The following ZNF469 variants were observed in gnomAD, a reference collection of about 807,000 sequenced individuals.
ZNF469 encodes zinc finger protein 469.
A neutral mutation model predicts 1.0 loss-of-function variants in ZNF469; 1 was observed. The observed-to-expected ratio is 1.00, with a 90% CI of 0.35 to 4.73. ZNF469 has a LOEUF of 4.73. ZNF469 is among the 30% of genes most tolerant of loss of function. The probability of loss-of-function intolerance (pLI) is 0.16; values close to 1 mark genes in which losing one functional copy is unlikely to be tolerated. For synonymous variants in ZNF469, 2,703 were observed against 2,363.4 expected, an observed-to-expected ratio of 1.14 and a Z score of -4.17; for missense variants, 6,100 against 5,356.3, an observed-to-expected ratio of 1.14 and a Z score of -4.33.
the ZNF469 span, among the ~76,000 whole-genome samples, chr16:88,224,339 CG>C: frequency 6.6e-5 from 10 of 152,330 alleles, no homozygotes; most frequent in East Asian, 1.7e-3. Context: ...CACAGCACCG[CG>C]GGGCCCCGCA....
the ZNF469 span, among the ~76,000 whole-genome samples, chr16:88,374,627 T>G: frequency 6.6e-6 from 1 of 152,106 alleles, no homozygotes. Flanking sequence ...AGGGACATTC[T>G]TGTGATGGGT....
chr16:88,183,870 C>G, the ZNF469 span, among the ~76,000 whole-genome samples: 5 of 152,236 alleles, frequency 3.3e-5, no homozygotes, highest in East Asian at 7.8e-4. Context: ...GTGGGTGGGA[C>G]AGGGAAGCGT....
At chr16:88,150,825 G>C in the ZNF469 span, among the ~76,000 whole-genome samples, 1 of 152,120 alleles carries the variant, frequency 6.6e-6, no homozygotes, top group Non-Finnish European at 1.5e-5. Context: ...CCCGGCCGTA[G>C]AAGCGCCGTG....
At chr16:88,121,329 C>T in the ZNF469 span, among the ~76,000 whole-genome samples, 1 of 152,150 alleles carries the variant, frequency 6.6e-6, no homozygotes, top group South Asian at 2.1e-4. Flanking sequence ...TATTAAAACT[C>T]GAAACAAAAA....
At chr16:88,142,765 G>A in the ZNF469 span, among the ~76,000 whole-genome samples, 5 of 152,218 alleles carry the variant, frequency 3.3e-5, no homozygotes, top group African/African-American at 9.6e-5. Context: ...CAGCTGCGTC[G>A]CTGTGGATCC....
In ZNF469 at chr16:88,436,527, G is replaced by GC. The variant is rs1319938948; in HGVS notation, c.9063dup (p.Ser3022GlnfsTer8). Reference sequence around the variant, plus strand: ...CTTCTCTCGGAGATGTGAGCCCCGAGCCCCCCAGCCTGGAGAGAGAACGCT... The same window carrying GC: ...CTTCTCTCGGAGATGTGAGCCCCGAGCCCCCCCAGCCTGGAGAGAGAACGCT... On this transcript the variant is annotated frameshift_variant, in exon 3 of 3. Transcript: ENST00000565624. LOFTEE classifies it low-confidence loss of function (END_TRUNC). 3 of 1,549,048 alleles carry GC rather than the reference G, an allele frequency of 1.9e-6. No homozygotes were observed. Among genetic ancestry groups the GC allele is most frequent in the African/African-American group, 1.4e-5 (1 of 73,068 alleles).
chr16:88,135,340 G>C, the ZNF469 span, among the ~76,000 whole-genome samples: 1 of 152,216 alleles, frequency 6.6e-6, no homozygotes, highest in African/African-American at 2.4e-5. Context: ...GGAATTCCAG[G>C]CTCACTGAGA....
chr16:88,175,364 T>C, the ZNF469 span, among the ~76,000 whole-genome samples: 5 of 152,186 alleles, frequency 3.3e-5, no homozygotes, highest in Admixed American at 1.3e-4. Context: ...CTTTACTTAA[T>C]TGGCACTTAC....
rs1567510281 is a variant in ZNF469, at chr16:88,429,612, A to T, written c.2142A>T (p.Thr714=). 4.5e-6 allele frequency: 7 copies of T among 1,547,582 alleles called. No homozygotes were observed. Among genetic ancestry groups the T allele is most frequent in the Non-Finnish European group, 6.1e-6 (7 of 1,145,304 alleles). The part of the protein sequence containing the change: ...GFPRAPPPYP[T]HHFSLSSASL... ...CCCGTGCGCCGCCTCCGTACCCCAC[A>T]CACCACTTCTCCCTCAGCAGCGCCA... is the stretch of plus-strand genomic sequence containing the variant. The change falls in exon 3 of 3, where the codon ACA becomes ACT. Residue 714 remains threonine (T), a synonymous_variant. Coordinates refer to ENST00000565624, the MANE Select transcript of ZNF469 (RefSeq NM_001367624.2).
the ZNF469 span, among the ~76,000 whole-genome samples, chr16:88,344,054 C>G: frequency 2.6e-5 from 4 of 152,156 alleles, no homozygotes; most frequent in South Asian, 8.3e-4. Flanking sequence ...AACCCATAAC[C>G]CTCGTCTAAT....
At chr16:88,335,762 G>T in the ZNF469 span, among the ~76,000 whole-genome samples, 1,731 of 152,226 alleles carry the variant, frequency 0.011, 25 homozygotes, top group African/African-American at 0.039. Context: ...CATCCTTCAC[G>T]TGAGACACTA....
the ZNF469 span, among the ~76,000 whole-genome samples, chr16:88,377,678 C>G: frequency 1.3e-3 from 202 of 152,156 alleles, 2 homozygotes; most frequent in South Asian, 4.4e-3. Flanking sequence ...CCTCCTCTAT[C>G]TCCCTCCTCC....
rs1417157166 is a variant in ZNF469, at chr16:88,433,099, C to G, written c.5629C>G (p.Pro1877Ala). Residue 1877 changes from proline to alanine, a missense_variant, in exon 3 of 3, where the codon CCT (proline) becomes GCT (alanine). Pro to Ala is a conservative substitution (Grantham distance 27). Transcript: ENST00000565624. The part of the protein sequence containing the change: ...APRGREAWLV[P>A]VPSPACVSNT... ...CCGGGGCAGGGAGGCTTGGTTGGTC[C>G]CTGTGCCAAGTCCCGCCTGTGTATC... The G allele has an allele frequency of 6.5e-7, 1 of 1,550,202 alleles. No individual in the cohort carries two copies. The highest frequency in any genetic ancestry group is 1.4e-5 in the African/African-American group (1 of 73,044).
At chr16:88,205,882 C>T in the ZNF469 span, among the ~76,000 whole-genome samples, 1 of 152,076 alleles carries the variant, frequency 6.6e-6, no homozygotes, top group Non-Finnish European at 1.5e-5. This position sits in a 1 kb window ranked among gnomAD's most constrained non-coding sequence, Gnocchi z 4.2. Context: ...CAAAGAAAGT[C>T]GGCAATGAGG....
the ZNF469 span, among the ~76,000 whole-genome samples, chr16:88,336,152 A>T: frequency 6.6e-6 from 1 of 150,962 alleles, no homozygotes; most frequent in Non-Finnish European, 1.5e-5. Flanking sequence ...CCTTCACGTG[A>T]GACACTAACA....
At chr16:88,361,350 T>G in the ZNF469 span, among the ~76,000 whole-genome samples, 2 of 152,244 alleles carry the variant, frequency 1.3e-5, no homozygotes, top group Non-Finnish European at 2.9e-5. Context: ...TGGGGACCCC[T>G]GCCCTAGAGG....
At chr16:88,374,602 G>C in the ZNF469 span, among the ~76,000 whole-genome samples, 2 of 152,218 alleles carry the variant, frequency 1.3e-5, no homozygotes, top group African/African-American at 4.8e-5. Flanking sequence ...GTTTATTCCT[G>C]ACCCCTTGGT....
the ZNF469 span, among the ~76,000 whole-genome samples, chr16:88,328,575 T>G: frequency 1.3e-5 from 2 of 152,192 alleles, no homozygotes; most frequent in Non-Finnish European, 2.9e-5. Flanking sequence ...ACATGGATCT[T>G]TGTGGGGTCC....
the ZNF469 span, among the ~76,000 whole-genome samples, chr16:88,256,886 T>TTTCTTTCTCTCTCTCTCTCTC: frequency 2.0e-5 from 2 of 101,848 alleles, no homozygotes; most frequent in African/African-American, 6.9e-5. Flanking sequence ...TTTTCTTTTC[T>TTTCTTTCTCTCTCTCTCTCTC]TTTCTTTCCT....
Sources: gnomAD v4.1 joint callset for allele counts (sites outside exome capture counted in the v4.1 genomes callset) on GRCh38, gnomAD v4.1.1 for gene constraint, Gnocchi (gnomAD v3.1) non-coding constraint, MANE v1.5 for transcripts, NCBI Gene and HGNC (gene_info 2026-07-23, HGNC 2026-07-21) for gene names.